MALRD1: variants seen among roughly 807,000 people sequenced by gnomAD.
MALRD1 encodes MAM and LDL receptor class A domain containing 1.
Under a neutral mutation model 242.1 loss-of-function variants are expected in MALRD1, and 247 were observed. The observed-to-expected ratio is 1.02, with a 90% confidence interval of 0.92 to 1.13. The LOEUF (loss-of-function observed/expected upper bound fraction) is 1.13. MALRD1 is among the 50% of genes most tolerant of loss of function. The pLI, the probability that MALRD1 is intolerant of heterozygous loss-of-function variation, is 0.00. For missense variants in MALRD1, 2,989 were observed against 2,533.1 expected (o/e 1.18, Z -3.86); for synonymous variants, 995 against 866.6 (o/e 1.15, Z -2.60).
chr10:19,073,409 A>T (rs1363164085), intron 2 of MALRD1, among the ~76,000 whole-genome samples: 2 of 152,142 alleles, frequency 1.3e-5, no homozygotes, highest in Non-Finnish European at 2.9e-5. Flanking sequence ...TAAAGACTGC[A>T]GGTTTATCAT....
At chr10:19,577,727 A>C (rs1836898698) in intron 33 of MALRD1, among the ~76,000 whole-genome samples, 1 of 152,082 alleles carries the variant, frequency 6.6e-6, no homozygotes, top group Admixed American at 6.6e-5. Flanking sequence ...ATAAACACAT[A>C]TGCATTAATA....
chr10:19,253,278 A>G (rs1247638961), intron 18 of MALRD1, among the ~76,000 whole-genome samples: 1 of 152,032 alleles, frequency 6.6e-6, no homozygotes. Flanking sequence ...GATTCTTGAG[A>G]TTACTATATG....
At chr10:19,064,838 G>A (rs549375793) in intron 1 of MALRD1, among the ~76,000 whole-genome samples, 17 of 150,430 alleles carry the variant, frequency 1.1e-4, no homozygotes, top group African/African-American at 3.9e-4. Context: ...TTATTTTATT[G>A]AATTGTAGCT....
At chr10:19,071,062 G>A (rs188408855) in intron 2 of MALRD1, among the ~76,000 whole-genome samples, 4 of 151,906 alleles carry the variant, frequency 2.6e-5, no homozygotes, top group African/African-American at 9.6e-5. Context: ...TGTTGGCCAG[G>A]TTGGTCTCAA....
chr10:19,211,780 G>GAA (rs1837083552), intron 18 of MALRD1, among the ~76,000 whole-genome samples: 2 of 149,918 alleles, frequency 1.3e-5, no homozygotes, highest in African/African-American at 4.9e-5. Context: ...TTAAATGATG[G>GAA]ATGGACATAG....
intron 14 of MALRD1, among the ~76,000 whole-genome samples, chr10:19,199,933 G>A (rs1385440105): frequency 5.3e-5 from 8 of 152,130 alleles, no homozygotes; most frequent in African/African-American, 1.4e-4. Flanking sequence ...TCAGACCAGC[G>A]TGGGCAACAT....
chr10:19,183,094 C>A (rs1157375962), intron 14 of MALRD1, among the ~76,000 whole-genome samples: 1 of 146,328 alleles, frequency 6.8e-6, no homozygotes, highest in Non-Finnish European at 1.5e-5. Context: ...ACCTCCAGTT[C>A]TCTAAAGTCT....
At chr10:19,222,890 C>T (rs921030704) in intron 18 of MALRD1, among the ~76,000 whole-genome samples, 2 of 152,120 alleles carry the variant, frequency 1.3e-5, no homozygotes, top group Admixed American at 1.3e-4. Context: ...GGTGTGGGGC[C>T]TCTTTGTAAT....
rs377145847 is a variant in MALRD1, at chr10:19,430,403, C to T, written c.4846-19904C>T. ...GCGCTGGGATTACAGGCATGAGCCA[C>T]CATGCCCCGGCCTCCTCATTTTCTT... On this transcript the variant is annotated intron_variant, in intron 28 of 39. Transcript: ENST00000454679. 3.9e-5 allele frequency among the ~76,000 whole-genome samples: 6 copies of T among 152,134 alleles called. No homozygotes were observed. The East Asian group carries it at 9.7e-4, about 25-fold the overall frequency.
chr10:19,319,270 C>T (rs1429213469), intron 21 of MALRD1, among the ~76,000 whole-genome samples: 6 of 152,028 alleles, frequency 3.9e-5, no homozygotes, highest in Non-Finnish European at 8.8e-5. Flanking sequence ...AGCTTTCATT[C>T]CAAGTATAAT....
chr10:19,282,101 G>A (rs1227100514), intron 20 of MALRD1, among the ~76,000 whole-genome samples: 1 of 149,794 alleles, frequency 6.7e-6, no homozygotes, highest in Non-Finnish European at 1.5e-5. Flanking sequence ...CATCTTGCTT[G>A]ACATGTTATA....
At position 19,263,031 on chromosome 10, in the gene MALRD1, A is replaced by G. The variant is rs189818381; in HGVS notation, c.3079+5260A>G. On this transcript the variant is annotated intron_variant, in intron 19 of 39. Transcript: ENST00000454679. ...TTAGATTTTCTTTATCCATTCATCT[A>G]TCTCCATACATGTAAGTTGTTTCCC... Among the ~76,000 whole-genome samples the G allele has an allele frequency of 7.9e-5, 12 of 152,226 alleles. No individual in the cohort carries two copies. The East Asian group carries it at 2.1e-3, about 27-fold the overall frequency.
chr10:19,526,083 A>T (rs1834088383), intron 31 of MALRD1, among the ~76,000 whole-genome samples: 1 of 151,422 alleles, frequency 6.6e-6, no homozygotes, highest in Non-Finnish European at 1.5e-5. Context: ...CTGCTTTAAT[A>T]TATTCTGAAC....
At chr10:19,242,685 A>G (rs1399903742) in intron 18 of MALRD1, among the ~76,000 whole-genome samples, 1 of 152,020 alleles carries the variant, frequency 6.6e-6, no homozygotes, top group Admixed American at 6.6e-5. Flanking sequence ...ATACAGTGAC[A>G]TTCTTTTTTT....
At position 19,108,387 on chromosome 10, in the gene MALRD1, C is replaced by CTTTTTTTTT. The variant is rs35948766; in HGVS notation, c.694+4342_694+4350dup. 1.4e-3 allele frequency among the ~76,000 whole-genome samples: 28 copies of CTTTTTTTTT among 19,764 alleles called. 13 individuals are homozygous for CTTTTTTTTT. The highest frequency in any genetic ancestry group is 2.7e-3 in the Admixed American group (4 of 1,486). The allele number at this position is 19,764 out of a possible 152,430, so 13.0% of individuals were successfully genotyped here. ...TTATTGAGCTCATGAATTGTTTTTT[C>CTTTTTTTTT]TTTTTTTTTTTTTTTTTTTTTTTTT... On this transcript the variant is annotated intron_variant, in intron 5 of 39. Coordinates refer to ENST00000454679, the MANE Select transcript of MALRD1 (RefSeq NM_001142308.3).
At chr10:19,108,919 G>T (rs1022889112) in intron 5 of MALRD1, among the ~76,000 whole-genome samples, 2 of 152,076 alleles carry the variant, frequency 1.3e-5, no homozygotes, top group Non-Finnish European at 2.9e-5. Flanking sequence ...GTTGATATCT[G>T]TGCAACTGGT....
intron 18 of MALRD1, among the ~76,000 whole-genome samples, chr10:19,240,475 A>T (rs1475883951): frequency 6.6e-6 from 1 of 152,006 alleles, no homozygotes; most frequent in African/African-American, 2.4e-5. Context: ...ATATATATAG[A>T]TGTATACATA....
intron 29 of MALRD1, among the ~76,000 whole-genome samples, chr10:19,486,593 G>A (rs1589145519): frequency 6.6e-6 from 1 of 152,062 alleles, no homozygotes; most frequent in South Asian, 2.1e-4. Flanking sequence ...GATTACGCCC[G>A]TTTTAATATT....
chr10:19,563,583 G>A (rs893675845), intron 32 of MALRD1, among the ~76,000 whole-genome samples: 11 of 152,246 alleles, frequency 7.2e-5, no homozygotes, highest in South Asian at 2.1e-4. Flanking sequence ...AAATGCATGC[G>A]GTGTTTTTCT....
Sources: allele counts gnomAD v4.1 joint callset (sites outside exome capture counted in the v4.1 genomes callset), GRCh38; gene constraint gnomAD v4.1.1; transcripts MANE v1.5; gene names NCBI Gene and HGNC (gene_info 2026-07-23, HGNC 2026-07-21).